The following EHF variants were observed in gnomAD, a reference collection of about 807,000 sequenced individuals.
The protein encoded by EHF is ESE3 transcription factor.
Under a neutral mutation model 45.1 loss-of-function variants are expected in EHF, and 14 were observed. The observed-to-expected ratio is 0.31, with a 90% CI of 0.21 to 0.49. EHF has a LOEUF of 0.49. Ranked by LOEUF, EHF falls within the 20% of genes least tolerant of loss-of-function variation. EHF has a pLI of 0.99. For missense variants in EHF, 282 were observed against 371.4 expected, an observed-to-expected ratio of 0.76 and a Z score of 1.98; for synonymous variants, 136 against 131.8, an observed-to-expected ratio of 1.03 and a Z score of -0.22.
intron 1 of EHF, chr11:34,624,424 G>A (rs1433237306): frequency 3.3e-5 from 15 of 452,400 alleles, no homozygotes; most frequent in Non-Finnish European, 4.4e-5. Context: ...TGAAAGGAGG[G>A]CATAGATAAT....
At chr11:34,631,601 G>A (rs1271392410) in intron 1 of EHF, 8 of 982,968 alleles carry the variant, frequency 8.1e-6, no homozygotes, top group East Asian at 2.3e-4. Context: ...GGCAGGAGAT[G>A]AGTGGGTCTA....
At chr11:34,631,052 A>T (rs542876146) in intron 1 of EHF, among the ~76,000 whole-genome samples, 42 of 152,312 alleles carry the variant, frequency 2.8e-4, no homozygotes, top group Admixed American at 2.1e-3. Flanking sequence ...TATTTTTGAG[A>T]TGGAGTCTTA....
At position 34,658,636 on chromosome 11, in the gene EHF, C is replaced by G; in HGVS notation, c.711C>G (p.Phe237Leu). The G allele has an allele frequency of 6.2e-7, 1 of 1,613,766 alleles. No individual in the cohort carries two copies. Among genetic ancestry groups the G allele is most frequent in the Non-Finnish European group, 8.5e-7 (1 of 1,179,804 alleles). The change falls in exon 8 of 9, where the codon TTC becomes TTG. Residue 237 changes from phenylalanine (F) to leucine (L), a missense_variant. By Grantham distance (22) the Phe-to-Leu change is conservative. Transcript: ENST00000257831. ...IKWEDRSEGV[F>L]RFLKSEAVAQ... Reference sequence around the variant, plus strand: ...GGGAAGACCGATCTGAGGGCGTCTTCAGGTTCTTGAAATCAGAGGCAGTGG... The same window carrying G: ...GGGAAGACCGATCTGAGGGCGTCTTGAGGTTCTTGAAATCAGAGGCAGTGG...
At chr11:34,637,903 T>C (rs1287072319) in intron 1 of EHF, among the ~76,000 whole-genome samples, 1 of 151,940 alleles carries the variant, frequency 6.6e-6, no homozygotes, top group Non-Finnish European at 1.5e-5. Flanking sequence ...TCACTCCTTT[T>C]TTTTTTTTTC....
At chr11:34,622,359 G>C in intron 1 of EHF, 1 of 1,258,872 alleles carries the variant, frequency 7.9e-7, no homozygotes, top group Admixed American at 2.3e-5. Context: ...TGAGTGAATG[G>C]ATTCCAAGAA....
chr11:34,656,784 A>G (rs571380609), intron 6 of EHF, 124 bp from the exon 7 acceptor site: 2 of 1,043,842 alleles, frequency 1.9e-6, no homozygotes, highest in East Asian at 2.6e-5. Flanking sequence ...TCACTAGCAC[A>G]TACTCAAAGG....
chr11:34,628,308 A>AT (rs2133989141), intron 1 of EHF, among the ~76,000 whole-genome samples: 1 of 152,318 alleles, frequency 6.6e-6, no homozygotes, highest in African/African-American at 2.4e-5. Context: ...TCACACATTT[A>AT]TTTTAAAAAG....
chr11:34,633,394 G>A (rs925662371), intron 1 of EHF, among the ~76,000 whole-genome samples: 4 of 152,128 alleles, frequency 2.6e-5, no homozygotes, highest in African/African-American at 9.7e-5. Context: ...ATCTTGTGGT[G>A]GGAAAGGGAA....
intron 1 of EHF, among the ~76,000 whole-genome samples, chr11:34,625,024 G>A (rs1472941841): frequency 1.3e-5 from 2 of 152,232 alleles, no homozygotes; most frequent in Non-Finnish European, 2.9e-5. Context: ...TGTGGTGATT[G>A]GGGGTGGTGG....
chr11:34,641,381 C>T (rs542684498), intron 1 of EHF, among the ~76,000 whole-genome samples: 45 of 152,252 alleles, frequency 3.0e-4, no homozygotes, highest in Admixed American at 7.8e-4. Flanking sequence ...TGAATATATT[C>T]GTATGCCTTT....
At chr11:34,625,098 C>T (rs1350611124) in intron 1 of EHF, among the ~76,000 whole-genome samples, 2 of 152,128 alleles carry the variant, frequency 1.3e-5, no homozygotes, top group Non-Finnish European at 2.9e-5. Flanking sequence ...TGGGAGAAGC[C>T]TTCTAAGGAT....
intron 1 of EHF, among the ~76,000 whole-genome samples, chr11:34,625,501 G>A (rs774153881): frequency 3.9e-5 from 6 of 152,162 alleles, no homozygotes; most frequent in African/African-American, 1.2e-4. Flanking sequence ...TAGATCGAAC[G>A]TATGTGGACT....
chr11:34,663,179 C>T lies in EHF; in HGVS notation c.*4248C>T, dbSNP rs1856189483. Among the ~76,000 whole-genome samples, 1 of 152,068 alleles carries T rather than the reference C, an allele frequency of 6.6e-6. No homozygotes were observed. The highest frequency in any genetic ancestry group is 6.6e-5 in the Admixed American group (1 of 15,246). ...CCCTTTAAGCTATGTTAAATTCAAACTATTCCTGCTATTCCTGTTTTGTCA... is the reference window on the plus strand; with the variant it reads ...CCCTTTAAGCTATGTTAAATTCAAATTATTCCTGCTATTCCTGTTTTGTCA... On this transcript the variant is annotated 3_prime_UTR_variant, in exon 9 of 9. Coordinates refer to ENST00000257831, the MANE Select transcript of EHF (RefSeq NM_012153.6).
Position 34,630,824 on chromosome 11 carries a change from C to G in EHF, c.-4+9596C>G, listed in dbSNP as rs117784770. 6.8e-3 allele frequency among the ~76,000 whole-genome samples: 1,034 copies of G among 152,212 alleles called. 16 individuals are homozygous for G. The highest frequency in any genetic ancestry group is 5.3e-3 in the Non-Finnish European group (363 of 68,016). On this transcript the variant is annotated intron_variant, in intron 1 of 8. Transcript: ENST00000257831. ...GCCATATCCCTCCCCTGTCGGAACA[C>G]CCAGTTCTTAATGCTCCTGGAGAGG...
chr11:34,632,544 CT>C (rs1181686968), intron 1 of EHF: 1 of 1,535,418 alleles, frequency 6.5e-7, no homozygotes, highest in Non-Finnish European at 8.7e-7. Flanking sequence ...ATTATCCTCT[CT>C]GCCAACTCCA....
intron 3 of EHF, among the ~76,000 whole-genome samples, chr11:34,648,355 A>G (rs1297466757): frequency 6.6e-6 from 1 of 151,568 alleles, no homozygotes; most frequent in Non-Finnish European, 1.5e-5. Context: ...AAATATATAT[A>G]TATATATATA....
At chr11:34,640,848 G>A (rs1357371344) in intron 1 of EHF, among the ~76,000 whole-genome samples, 1 of 152,148 alleles carries the variant, frequency 6.6e-6, no homozygotes, top group Non-Finnish European at 1.5e-5. Flanking sequence ...AGCTAGTGAC[G>A]CTCCTCATGA....
At chr11:34,653,411 A>G (rs1441494255) in intron 6 of EHF, among the ~76,000 whole-genome samples, 4 of 152,202 alleles carry the variant, frequency 2.6e-5, no homozygotes, top group Non-Finnish European at 5.9e-5. Flanking sequence ...CTTAGAGGCC[A>G]GTTTCTGCTT....
intron 2 of EHF, 133 bp from the exon 3 acceptor site, chr11:34,646,305 TC>T: frequency 7.2e-7 from 1 of 1,395,230 alleles, no homozygotes; most frequent in Non-Finnish European, 9.8e-7. Context: ...TTCTGCTCCA[TC>T]ACCCATGCTG....
Sources: allele counts gnomAD v4.1 joint callset (sites outside exome capture counted in the v4.1 genomes callset), GRCh38; gene constraint gnomAD v4.1.1; transcripts MANE v1.5; gene names NCBI Gene and HGNC (gene_info 2026-07-23, HGNC 2026-07-21).